Variants in NDRG3 observed in about 807,000 individuals in gnomAD.
The protein encoded by NDRG3 is protein NDRG3.
NDRG3 carries 23 observed loss-of-function variants against 57.2 expected under a neutral mutation model. The observed-to-expected ratio is 0.40, with a 90% confidence interval of 0.29 to 0.57. The LOEUF is 0.57. Ranked by LOEUF, NDRG3 falls within the 20% of genes least tolerant of loss-of-function variation. The pLI is 0.42. For missense variants in NDRG3, 384 were observed against 457.3 expected, an observed-to-expected ratio of 0.84 and a Z score of 1.46; for synonymous variants, 132 against 162.6, an observed-to-expected ratio of 0.81 and a Z score of 1.43.
At chr20:36,656,719 C>A (rs1047612691) in intron 13 of NDRG3, among the ~76,000 whole-genome samples, 187 bp from the exon 14 acceptor site, 1 of 152,228 alleles carries the variant, frequency 6.6e-6, no homozygotes, top group Admixed American at 6.5e-5. Context: ...ATAATTATTA[C>A]ATACTTATTT....
At chr20:36,664,336 A>T (rs962732400) in intron 12 of NDRG3, among the ~76,000 whole-genome samples, 2 of 151,956 alleles carry the variant, frequency 1.3e-5, no homozygotes, top group African/African-American at 2.4e-5. Context: ...CTATTTTTAA[A>T]TTTTTTTCAT....
chr20:36,656,252 G>A, intron 15 of NDRG3, 108 bp downstream of exon 15: 4 of 1,050,592 alleles, frequency 3.8e-6, no homozygotes, highest in Non-Finnish European at 5.7e-6. Flanking sequence ...CTTTGCTTAA[G>A]GCTAGCTGCC....
chr20:36,658,617 ATAC>A (rs1311431487), intron 13 of NDRG3, among the ~76,000 whole-genome samples: 5 of 152,260 alleles, frequency 3.3e-5, no homozygotes, highest in Non-Finnish European at 2.9e-5. Flanking sequence ...AGTAAGCAAC[ATAC>A]GATCGGCATT....
chr20:36,740,038 C>T (rs1236459627), intron 1 of NDRG3, among the ~76,000 whole-genome samples: 1 of 151,906 alleles, frequency 6.6e-6, no homozygotes, highest in African/African-American at 2.4e-5. Context: ...GACTGTAGAC[C>T]ATGGGCACTT....
Position 36,721,722 on chromosome 20 carries a change from T to C in NDRG3, c.14A>G (p.Gln5Arg). 6.2e-7 allele frequency: 1 copy of C among 1,610,562 alleles called. No homozygotes were observed. Among genetic ancestry groups the C allele is most frequent in the Non-Finnish European group, 8.5e-7 (1 of 1,177,038 alleles). The change falls in exon 2 of 16, where the codon CAG (glutamine) becomes CGG (arginine). Residue 5 changes from glutamine to arginine, a missense_variant. Physicochemically the swap from Gln to Arg is conservative, Grantham distance 43. Transcript: ENST00000349004. ...TTTGATCTCTGTGAGCTGAACATCC[T>C]GAAGTTCATCCATGAGGTCAGATAA... is the stretch of plus-strand genomic sequence containing the variant. MDELQDVQLTEIKPL... is the reference protein window; with the variant it reads MDELRDVQLTEIKPL...
chr20:36,683,673 T>C (rs1392004158), intron 6 of NDRG3, among the ~76,000 whole-genome samples: 2 of 148,648 alleles, frequency 1.3e-5, no homozygotes, highest in African/African-American at 5.0e-5. Context: ...TACATATATA[T>C]ATACACACAC....
At chr20:36,677,624 C>T (rs1276562203) in intron 8 of NDRG3, among the ~76,000 whole-genome samples, 1 of 152,206 alleles carries the variant, frequency 6.6e-6, no homozygotes, top group African/African-American at 2.4e-5. Context: ...CTGCTGAGAG[C>T]TTCAGAGACC....
intron 1 of NDRG3, among the ~76,000 whole-genome samples, chr20:36,724,556 T>C (rs1384147896): frequency 4.6e-5 from 7 of 152,222 alleles, no homozygotes; most frequent in Non-Finnish European, 8.8e-5. Flanking sequence ...TCCATGTTTG[T>C]TTATTAATAA....
chr20:36,687,113 C>A (rs1041270992), intron 5 of NDRG3, among the ~76,000 whole-genome samples: 5 of 152,068 alleles, frequency 3.3e-5, no homozygotes, highest in Non-Finnish European at 7.3e-5. Flanking sequence ...ACTGCCTTTG[C>A]CTCCCAAAGT....
chr20:36,674,718 C>T (rs926240413), intron 8 of NDRG3, among the ~76,000 whole-genome samples: 2 of 151,008 alleles, frequency 1.3e-5, no homozygotes, highest in Non-Finnish European at 2.9e-5. Flanking sequence ...TCCCTTCAGC[C>T]TCCCGAGTAG....
At chr20:36,671,430 A>G (rs1304489697) in intron 8 of NDRG3, 33 bp from the exon 9 acceptor site, 1 of 1,556,748 alleles carries the variant, frequency 6.4e-7, no homozygotes, top group South Asian at 1.1e-5. Context: ...TTAAGAATGT[A>G]AGCATATGCA....
intron 2 of NDRG3, among the ~76,000 whole-genome samples, chr20:36,718,788 C>T (rs1445232218): frequency 2.0e-5 from 3 of 152,120 alleles, no homozygotes; most frequent in South Asian, 4.1e-4. Context: ...TCAAGTGATC[C>T]TCGCAGCTCA....
chr20:36,686,860 C>A (rs1221735203), intron 5 of NDRG3, among the ~76,000 whole-genome samples: 1 of 152,044 alleles, frequency 6.6e-6, no homozygotes, highest in Non-Finnish European at 1.5e-5. Context: ...AGGAAGGACA[C>A]AAAAATGACA....
intron 15 of NDRG3, among the ~76,000 whole-genome samples, chr20:36,655,344 A>G (rs1405627892): frequency 6.6e-6 from 1 of 152,276 alleles, no homozygotes; most frequent in African/African-American, 2.4e-5. Context: ...TACCAAAGAC[A>G]GGAGAAAAAT....
chr20:36,687,817 A>G (rs900534877), intron 4 of NDRG3, among the ~76,000 whole-genome samples: 3 of 152,190 alleles, frequency 2.0e-5, no homozygotes, highest in African/African-American at 7.2e-5. Context: ...ATTGAAAACA[A>G]TTCTTAATTC....
At chr20:36,659,401 T>C (rs1164865269) in intron 13 of NDRG3, among the ~76,000 whole-genome samples, 1 of 152,208 alleles carries the variant, frequency 6.6e-6, no homozygotes, top group Non-Finnish European at 1.5e-5. Flanking sequence ...GTGTTGGGAT[T>C]ATAGGTGTGA....
At chr20:36,705,786 G>A (rs1983518400) in intron 3 of NDRG3, among the ~76,000 whole-genome samples, 1 of 152,100 alleles carries the variant, frequency 6.6e-6, no homozygotes, top group Admixed American at 6.6e-5. Context: ...GTCCCACTCT[G>A]TTGCCCAGGC....
intron 3 of NDRG3, among the ~76,000 whole-genome samples, chr20:36,700,018 G>GCT (rs1480303818): frequency 6.6e-6 from 1 of 151,438 alleles, no homozygotes. Context: ...TACTCAGGAG[G>GCT]GAGGAGAATT....
intron 1 of NDRG3, among the ~76,000 whole-genome samples, chr20:36,724,354 C>A (rs928123082): frequency 6.6e-6 from 1 of 152,068 alleles, no homozygotes; most frequent in South Asian, 2.1e-4. Flanking sequence ...TTTGTCAGAT[C>A]GCAGGCACCC....
Sources: gnomAD v4.1 joint callset for allele counts (sites outside exome capture counted in the v4.1 genomes callset) on GRCh38, gnomAD v4.1.1 for gene constraint, MANE v1.5 for transcripts, NCBI Gene and HGNC (gene_info 2026-07-23, HGNC 2026-07-21) for gene names.